The following BCL2L14 variants were observed in gnomAD, a reference collection of about 807,000 sequenced individuals.
The protein encoded by BCL2L14 is BCL2 like 14.
BCL2L14 carries 27 observed loss-of-function variants against 35.3 expected under a neutral mutation model. The ratio of observed to expected loss-of-function variants is 0.76; its 90% confidence interval spans 0.56 to 1.05. The LOEUF is 1.05. Ranked by LOEUF, BCL2L14 falls within the 50% of genes least tolerant of loss-of-function variation. The pLI is 0.00. For missense variants in BCL2L14, 377 were observed against 382.6 expected (o/e 0.99, Z 0.12); for synonymous variants, 139 against 145.9 (o/e 0.95, Z 0.34).
intron 2 of BCL2L14, among the ~76,000 whole-genome samples, chr12:12,052,473 T>C (rs1948372403): frequency 6.6e-6 from 1 of 152,206 alleles, no homozygotes; most frequent in South Asian, 2.1e-4. Context: ...TCGTGCAATA[T>C]TTGTCTTTCT....
At chr12:12,065,422 G>T (rs992923772) in intron 2 of BCL2L14, among the ~76,000 whole-genome samples, 9 of 151,944 alleles carry the variant, frequency 5.9e-5, no homozygotes, top group African/African-American at 2.2e-4. Flanking sequence ...TGTAATCTAA[G>T]TGACTCTGGA....
upstream of BCL2L14, among the ~76,000 whole-genome samples, chr12:12,067,483 AGAGGTTGCAGT>A (rs1948607819): frequency 6.6e-6 from 1 of 151,898 alleles, no homozygotes; most frequent in African/African-American, 2.4e-5. Context: ...CCCGGGAGGC[AGAGGTTGCAGT>A]GAGCCGAGAT....
intron 2 of BCL2L14, among the ~76,000 whole-genome samples, chr12:12,082,118 A>T (rs568203054): frequency 6.6e-6 from 1 of 152,364 alleles, no homozygotes; most frequent in East Asian, 1.9e-4. Context: ...CTCATGGCAC[A>T]GACAGGATGA....
chr12:12,056,933 A>AC (rs1234515883), intron 2 of BCL2L14, among the ~76,000 whole-genome samples: 2 of 152,222 alleles, frequency 1.3e-5, no homozygotes, highest in Non-Finnish European at 2.9e-5. Flanking sequence ...ACTGAAGGGG[A>AC]CCTGAGGTCC....
intron 2 of BCL2L14, 120 bp from the exon 3 acceptor site, chr12:12,087,093 T>G: frequency 9.0e-7 from 1 of 1,110,972 alleles, no homozygotes; most frequent in Non-Finnish European, 1.3e-6. Flanking sequence ...CCAGCACACA[T>G]ACTCCCAGGC....
At chr12:12,098,851 T>C in intron 5 of BCL2L14, 99 bp from the exon 6 acceptor site, 1 of 865,322 alleles carries the variant, frequency 1.2e-6, no homozygotes, top group South Asian at 1.4e-5. Flanking sequence ...CTCCTGAGCC[T>C]CGGGTCACGC....
intron 3 of BCL2L14, among the ~76,000 whole-genome samples, chr12:12,088,208 C>T (rs900195583): frequency 2.0e-5 from 3 of 152,172 alleles, no homozygotes; most frequent in East Asian, 1.9e-4. Context: ...TCTCCTGCGA[C>T]AGAGAGGGGA....
At chr12:12,088,706 G>C (rs1405059752) in intron 3 of BCL2L14, among the ~76,000 whole-genome samples, 2 of 152,138 alleles carry the variant, frequency 1.3e-5, no homozygotes, top group East Asian at 3.8e-4. Context: ...GTGAGGCCAA[G>C]GTGGATCTTG....
rs576403538 is a variant in BCL2L14 at position 12,059,197 on chromosome 12, A to G, written c.-272+7350A>G. ...CCACGTTTCAGAGGTGTCAGACCAC[A>G]CAGGGACGCCTGCCTTGGTCCTTCA... On this transcript the variant is annotated intron_variant, in intron 2 of 3. Coordinates refer to the BCL2L14 transcript ENST00000461264. Among the ~76,000 whole-genome samples the G allele has an allele frequency of 4.6e-3, 701 of 152,244 alleles. 7 individuals carry two copies. The highest frequency in any genetic ancestry group is 0.031 in the South Asian group (151 of 4,830).
At chr12:12,055,908 G>A (rs908931595) in intron 2 of BCL2L14, 2 of 152,070 alleles carry the variant, frequency 1.3e-5, no homozygotes, top group African/African-American at 2.4e-5. Flanking sequence ...AGGTTCCTCT[G>A]AGCCCAATCA....
chr12:12,072,996 C>T (rs963365475), intron 1 of BCL2L14, among the ~76,000 whole-genome samples: 12 of 151,992 alleles, frequency 7.9e-5, no homozygotes, highest in African/African-American at 2.7e-4. Context: ...AAGCGATTCT[C>T]CCCCCTCAGC....
upstream of BCL2L14, among the ~76,000 whole-genome samples, chr12:12,067,776 T>C (rs1014653133): frequency 6.6e-6 from 1 of 152,140 alleles, no homozygotes; most frequent in Admixed American, 6.5e-5. Context: ...GGTTTTTGCT[T>C]TTGCTGTTTA....
chr12:12,099,236 A>T lies in BCL2L14; in HGVS notation c.*248A>T. On this transcript the variant is annotated 3_prime_UTR_variant, in exon 6 of 6. Transcript: ENST00000308721. ...CATTGAGAACCTGAGGAAATCTGTA[A>T]AGATAAGTGGTGATGTTGTTTCAAA... 1 of 507,290 alleles carries T rather than the reference A, an allele frequency of 2.0e-6. No homozygotes were observed. The highest frequency in any genetic ancestry group is 3.5e-6 in the Non-Finnish European group (1 of 281,874). The allele number at this position is 507,290 out of a possible 1,614,324, so 31.4% of individuals were successfully genotyped here.
At position 12,057,705 on chromosome 12, in the gene BCL2L14, C is replaced by T. The variant is rs148308772; in HGVS notation, c.-272+5858C>T. Among the ~76,000 whole-genome samples, 402 of 149,392 alleles carry T rather than the reference C, an allele frequency of 2.7e-3. 3 individuals carry two copies. The highest frequency in any genetic ancestry group is 9.3e-3 in the African/African-American group (375 of 40,306). Reference sequence around the variant, plus strand: ...CTGGGAGGCGGATGTTGCAGTGAGCCGAGATCGCACCACTGCACTCCAGCC... The same window carrying T: ...CTGGGAGGCGGATGTTGCAGTGAGCTGAGATCGCACCACTGCACTCCAGCC... On this transcript the variant is annotated intron_variant, in intron 2 of 3. Coordinates refer to the BCL2L14 transcript ENST00000461264.
chr12:12,085,878 C>T (rs1159384317), intron 2 of BCL2L14, among the ~76,000 whole-genome samples: 1 of 152,198 alleles, frequency 6.6e-6, no homozygotes, highest in African/African-American at 2.4e-5. Context: ...AGTTTGAGCA[C>T]ACCAACCTTC....
chr12:12,091,942 G>A lies in BCL2L14; in HGVS notation c.678+1093G>A, dbSNP rs1372034125. Among the ~76,000 whole-genome samples, 5 of 152,314 alleles carry A rather than the reference G, an allele frequency of 3.3e-5. No individual in the cohort carries two copies. In the East Asian group the frequency reaches 9.6e-4, roughly 29 times the overall value. ...ATGGTAAGAATGAACCTCCATTCCT[G>A]GAGAATAGGCATTCCAGGCTGCCCA... On this transcript the variant is annotated intron_variant, in intron 4 of 5. Coordinates refer to ENST00000308721, the MANE Select transcript of BCL2L14 (RefSeq NM_138723.2).
chr12:12,084,364 G>T (rs1316568217), intron 2 of BCL2L14, among the ~76,000 whole-genome samples: 5 of 152,142 alleles, frequency 3.3e-5, no homozygotes, highest in African/African-American at 1.2e-4. Flanking sequence ...TGTTCAGCTG[G>T]GTTCATTGCT....
chr12:12,097,041 G>GA (rs1949328245), intron 5 of BCL2L14, among the ~76,000 whole-genome samples: 1 of 152,140 alleles, frequency 6.6e-6, no homozygotes, highest in African/African-American at 2.4e-5. Context: ...CTACTCAGGG[G>GA]GGCTGAGGTA....
In BCL2L14 at chr12:12,099,118, T is replaced by C; in HGVS notation, c.*130T>C. 1.5e-6 allele frequency: 1 copy of C among 688,386 alleles called. No homozygotes were observed. Among genetic ancestry groups the C allele is most frequent in the East Asian group, 2.7e-5 (1 of 37,260 alleles). 42.6% of individuals were successfully genotyped at this position (688,386 alleles called of 1,614,324 possible). ...TTGACGTTTTCAAAACCATTATTCC[T>C]GTGACTGGAGAGGCATCAGGAGAGG... On this transcript the variant is annotated 3_prime_UTR_variant, in exon 6 of 6. Transcript: ENST00000308721.
Sources: gnomAD v4.1 joint callset for allele counts (sites outside exome capture counted in the v4.1 genomes callset) on GRCh38, gnomAD v4.1.1 for gene constraint, MANE v1.5 for transcripts, NCBI Gene and HGNC (gene_info 2026-07-23, HGNC 2026-07-21) for gene names.